RIF1: variants seen among roughly 807,000 people sequenced by gnomAD.
The protein encoded by RIF1 is replication timing regulatory factor 1, also known as telomere-associated protein RIF1.
Under a neutral mutation model 247.1 loss-of-function variants are expected in RIF1, and 45 were observed. The ratio of observed to expected loss-of-function variants is 0.18; its 90% CI spans 0.14 to 0.23. The LOEUF (loss-of-function observed/expected upper bound fraction) is 0.23. Among genes scored for constraint, RIF1 ranks in the 10% least tolerant of loss-of-function variants. The pLI is 1.00. For synonymous variants in RIF1, 1,087 were observed against 978.8 expected, an observed-to-expected ratio of 1.11 and a Z score of -2.06; for missense variants, 2,967 against 2,862.5, an observed-to-expected ratio of 1.04 and a Z score of -0.83.
chr2:151,492,513 T>A (rs1024885377), intron 9 of RIF1: 2 of 1,534,348 alleles, frequency 1.3e-6, no homozygotes, highest in Non-Finnish European at 1.8e-6. Flanking sequence ...GGAGAGACCG[T>A]GAATGAGTGG....
intron 6 of RIF1, among the ~76,000 whole-genome samples, chr2:151,418,841 C>T (rs984861260): frequency 2.0e-5 from 3 of 151,740 alleles, no homozygotes; most frequent in African/African-American, 7.3e-5. Context: ...CACCACTGCA[C>T]TCCAGCTTGG....
chr2:151,473,445 T>G (rs1000124462), intron 34 of RIF1, among the ~76,000 whole-genome samples: 4 of 151,452 alleles, frequency 2.6e-5, no homozygotes, highest in Admixed American at 2.6e-4. Context: ...ACAGGCACCG[T>G]AATTTTTGTG....
intron 11 of RIF1, among the ~76,000 whole-genome samples, chr2:151,500,512 TAAAA>T (rs1000232126): frequency 8.7e-5 from 13 of 149,246 alleles, no homozygotes; most frequent in African/African-American, 3.2e-4. Context: ...ATTTGTATAT[TAAAA>T]AAAAATCAGA....
intron 25 of RIF1, among the ~76,000 whole-genome samples, chr2:151,459,373 G>A (rs1207124181): frequency 2.6e-5 from 4 of 152,138 alleles, no homozygotes; most frequent in Admixed American, 6.5e-5. Flanking sequence ...TTAAAGGCAC[G>A]GGTACTATAG....
downstream of RIF1, chr2:151,485,590 C>A (rs1323192151): frequency 7.4e-6 from 4 of 539,882 alleles, no homozygotes; most frequent in East Asian, 1.1e-4. Context: ...AGTGTCTGTT[C>A]TGCAACTTAT....
At chr2:151,457,144 T>C (rs1280270413) in intron 23 of RIF1, among the ~76,000 whole-genome samples, 1 of 151,828 alleles carries the variant, frequency 6.6e-6, no homozygotes, top group Non-Finnish European at 1.5e-5. Context: ...TGAACTTTTT[T>C]TTGGAGACAA....
chr2:151,448,746 C>T (rs1693754451), intron 20 of RIF1, among the ~76,000 whole-genome samples: 1 of 152,128 alleles, frequency 6.6e-6, no homozygotes, highest in Non-Finnish European at 1.5e-5. Flanking sequence ...TATGTTATTT[C>T]ACCCACACTC....
At chr2:151,531,145 A>C in the RIF1 span, 8 of 1,234,802 alleles carry the variant, frequency 6.5e-6, no homozygotes, top group Non-Finnish European at 9.4e-6. Context: ...ATGCTTCTCA[A>C]TGTATAATAT....
At chr2:151,485,080 T>C (rs577576908), downstream of RIF1, among the ~76,000 whole-genome samples, 1 of 152,344 alleles carries the variant, frequency 6.6e-6, no homozygotes, top group South Asian at 2.1e-4. Flanking sequence ...TGCCACATGC[T>C]GCCATCCTAC....
In RIF1 at chr2:151,441,967, G is replaced by A. The variant is rs748471231; in HGVS notation, c.1710G>A (p.Gln570=). The A allele has an allele frequency of 1.3e-6, 2 of 1,550,852 alleles. No individual in the cohort carries two copies. Among genetic ancestry groups the A allele is most frequent in the Non-Finnish European group, 8.8e-7 (1 of 1,139,818 alleles). ...AAGTATTAGGTTCACCAGCATATCA[G>A]GTTGCTAATATGGATATTCTTAATG... ...PQKVLGSPAY[Q]VANMDILNGT... is the part of the protein sequence containing the mutation. The change falls in exon 16 of 36, where the codon CAG becomes CAA. Residue 570 remains glutamine (Q), a synonymous_variant. Transcript: ENST00000444746.
chr2:151,514,122 CTG>C, the RIF1 span, among the ~76,000 whole-genome samples: 1 of 152,162 alleles, frequency 6.6e-6, no homozygotes, highest in African/African-American at 2.4e-5. Context: ...CAGAAACACA[CTG>C]TTACAATATC....
the RIF1 span, chr2:151,532,233 T>C: frequency 9.2e-6 from 2 of 217,592 alleles, no homozygotes; most frequent in Non-Finnish European, 1.8e-5. Context: ...AGTTCCAATA[T>C]GTTTTATACA....
intron 8 of RIF1, chr2:151,423,411 T>C (rs1192823338): frequency 1.1e-5 from 2 of 176,940 alleles, no homozygotes; most frequent in African/African-American, 4.8e-5. Flanking sequence ...TTTCACTGTT[T>C]AAATTTGGAA....
chr2:151,519,219 CA>C, the RIF1 span: 1 of 658,964 alleles, frequency 1.5e-6, no homozygotes. Context: ...AAGGCAGAAA[CA>C]ACCCAAGTGT....
chr2:151,426,886 A>G (rs1278654110), intron 8 of RIF1, among the ~76,000 whole-genome samples: 2 of 151,908 alleles, frequency 1.3e-5, no homozygotes, highest in Admixed American at 6.6e-5. Context: ...ACCTAAAGCA[A>G]TCCATCTGCC....
chr2:151,438,920 T>G (rs1418047409), intron 14 of RIF1, among the ~76,000 whole-genome samples, 174 bp downstream of exon 14: 1 of 152,232 alleles, frequency 6.6e-6, no homozygotes, highest in Non-Finnish European at 1.5e-5. Flanking sequence ...ACACTGGGGT[T>G]AGGTGTGCTG....
At chr2:151,528,979 T>C in the RIF1 span, among the ~76,000 whole-genome samples, 1 of 152,206 alleles carries the variant, frequency 6.6e-6, no homozygotes, top group Non-Finnish European at 1.5e-5. Context: ...GCTGAGTGGG[T>C]GTAGCATCCA....
chr2:151,463,600 A>G lies in RIF1; in HGVS notation c.4080A>G (p.Ala1360=), dbSNP rs776312296. 1 of 1,613,808 alleles carries G rather than the reference A, an allele frequency of 6.2e-7. No homozygotes were observed. Among genetic ancestry groups the G allele is most frequent in the Non-Finnish European group, 8.5e-7 (1 of 1,179,928 alleles). ...MEHDNTKLKA[A]TVENAVLLET... ...ATGACAATACAAAGCTTAAAGCAGC[A>G]ACAGTGGAAAATGCTGTATTATTGG... The change falls in exon 30 of 36, where the codon GCA becomes GCG. Residue 1360 remains alanine, a synonymous_variant. Transcript: ENST00000444746.
In RIF1 at chr2:151,440,232, C is replaced by T. The variant is rs1692037661; in HGVS notation, c.1647+105C>T. 1.0e-5 allele frequency: 7 copies of T among 685,470 alleles called. No individual in the cohort carries two copies. The East Asian group carries it at 1.9e-4, about 19-fold the overall frequency. The allele number at this position is 685,470 out of a possible 1,614,324, so 42.5% of individuals were successfully genotyped here. A position where few individuals can be genotyped will look rare whatever the true frequency, so the allele number is the denominator to read the frequency against. ...CTAGTTTGGGAAGACTTTTTTATAT[C>T]AAGCATTCATCAGCAGTTTAGTCCT... On this transcript the variant is annotated intron_variant, in intron 15 of 35. Transcript: ENST00000444746.
Sources: allele counts gnomAD v4.1 joint callset (sites outside exome capture counted in the v4.1 genomes callset), GRCh38; gene constraint gnomAD v4.1.1; transcripts MANE v1.5; gene names NCBI Gene and HGNC (gene_info 2026-07-23, HGNC 2026-07-21).